NUMB: variants seen among roughly 807,000 people sequenced by gnomAD.
NUMB encodes NUMB endocytic adaptor protein.
In NUMB, 29 loss-of-function variants were observed where a neutral mutation model predicts 59.7. That is an observed-to-expected ratio of 0.49 (90% confidence interval 0.36 to 0.66). NUMB has a LOEUF of 0.66. Among genes scored for constraint, NUMB ranks in the 30% least tolerant of loss-of-function variants. The pLI, the probability that NUMB is intolerant of heterozygous loss-of-function variation, is 0.00. For synonymous variants in NUMB, 288 were observed against 288.2 expected (o/e 1.00, Z 0.01); for missense variants, 723 against 822.0 (o/e 0.88, Z 1.47).
chr14:73,281,963 A>G (rs1229570030), intron 11 of NUMB, among the ~76,000 whole-genome samples: 3 of 152,216 alleles, frequency 2.0e-5, no homozygotes, highest in Non-Finnish European at 2.9e-5. Context: ...AGACAGTGAA[A>G]GACAAACTTT....
chr14:73,282,877 T>C (rs1431044110), intron 10 of NUMB, among the ~76,000 whole-genome samples: 3 of 152,200 alleles, frequency 2.0e-5, no homozygotes, highest in Non-Finnish European at 2.9e-5. Context: ...TTCCAACGTG[T>C]TCTCAAGACT....
intron 6 of NUMB, among the ~76,000 whole-genome samples, chr14:73,304,756 T>C (rs936678635): frequency 6.6e-6 from 1 of 152,142 alleles, no homozygotes; most frequent in Non-Finnish European, 1.5e-5. Flanking sequence ...GTTGGAGGAA[T>C]GAGTTTTGTT....
chr14:73,417,266 TCTGA>T (rs1566788174), intron 1 of NUMB, among the ~76,000 whole-genome samples: 2 of 152,108 alleles, frequency 1.3e-5, no homozygotes, highest in African/African-American at 4.8e-5. Flanking sequence ...AAGGCTTCAC[TCTGA>T]CTTACACACT....
At chr14:73,430,486 T>TA (rs1267584519) in intron 1 of NUMB, among the ~76,000 whole-genome samples, 2 of 151,924 alleles carry the variant, frequency 1.3e-5, no homozygotes, top group Non-Finnish European at 2.9e-5. Context: ...TTTTTTTAAT[T>TA]AGCCGGGTGT....
At chr14:73,429,408 G>T (rs1358268940) in intron 1 of NUMB, among the ~76,000 whole-genome samples, 1 of 151,956 alleles carries the variant, frequency 6.6e-6, no homozygotes, top group East Asian at 1.9e-4. Context: ...CTATAGTTTT[G>T]CCTGTTCCAA....
At position 73,292,885 on chromosome 14, in the gene NUMB, C is replaced by A; in HGVS notation, c.310-11G>T. On this transcript the variant is annotated splice_polypyrimidine_tract_variant and intron_variant, in intron 7 of 12. Coordinates refer to ENST00000555238, the MANE Select transcript of NUMB (RefSeq NM_001005743.2). ...GTCAACTATGAGGTCCTAGAAAATA[C>A]GACACACAAAGAAAGAGAAGACTTA... 6.2e-7 allele frequency: 1 copy of A among 1,613,132 alleles called. No homozygotes were observed. The highest frequency in any genetic ancestry group is 8.5e-7 in the Non-Finnish European group (1 of 1,179,550).
chr14:73,449,353 C>T (rs1328198660), intron 1 of NUMB, among the ~76,000 whole-genome samples: 1 of 152,074 alleles, frequency 6.6e-6, no homozygotes, highest in East Asian at 1.9e-4. Flanking sequence ...ATAACCTGCA[C>T]ACATTCTCCC....
chr14:73,415,503 CT>C (rs1480558050), intron 1 of NUMB, among the ~76,000 whole-genome samples: 1 of 97,020 alleles, frequency 1.0e-5, no homozygotes, highest in African/African-American at 4.3e-5. Flanking sequence ...ACTATTTTTT[CT>C]TTTCTTTTTT....
intron 2 of NUMB, among the ~76,000 whole-genome samples, chr14:73,402,018 A>G (rs1315941682): frequency 1.3e-5 from 2 of 152,064 alleles, no homozygotes; most frequent in East Asian, 3.9e-4. Flanking sequence ...ACGCACCACC[A>G]TGTCCAGCTA....
chr14:73,379,887 T>C (rs1355093366), intron 2 of NUMB, among the ~76,000 whole-genome samples: 1 of 152,236 alleles, frequency 6.6e-6, no homozygotes, highest in African/African-American at 2.4e-5. Flanking sequence ...GTACTTGGGC[T>C]TCTGTTCCTA....
At chr14:73,300,053 A>G (rs1890044345) in intron 6 of NUMB, among the ~76,000 whole-genome samples, 1 of 146,830 alleles carries the variant, frequency 6.8e-6, no homozygotes, top group African/African-American at 2.4e-5. Flanking sequence ...TCATCATTAT[A>G]TTATTAATAA....
chr14:73,335,228 A>G (rs1216329839), intron 4 of NUMB, among the ~76,000 whole-genome samples: 1 of 149,954 alleles, frequency 6.7e-6, no homozygotes, highest in Non-Finnish European at 1.5e-5. Context: ...AAGTATTTCC[A>G]ATGGGCATCA....
intron 5 of NUMB, 69 bp downstream of exon 5, chr14:73,323,061 A>T: frequency 8.1e-7 from 1 of 1,234,166 alleles, no homozygotes; most frequent in Non-Finnish European, 1.2e-6. Flanking sequence ...ACTAAAATGT[A>T]CTGAGCAAAA....
At chr14:73,424,620 G>A (rs1897502134) in intron 1 of NUMB, among the ~76,000 whole-genome samples, 1 of 152,116 alleles carries the variant, frequency 6.6e-6, no homozygotes, top group Admixed American at 6.6e-5. Context: ...AAAGGAAGTG[G>A]CATGTCGTAT....
intron 6 of NUMB, among the ~76,000 whole-genome samples, chr14:73,311,650 C>G (rs148104902): frequency 6.6e-6 from 1 of 152,148 alleles, no homozygotes; most frequent in African/African-American, 2.4e-5. Flanking sequence ...CTTACTTTCA[C>G]GTAAAAGTGT....
At chr14:73,401,188 C>T (rs10137963) in intron 2 of NUMB, among the ~76,000 whole-genome samples, 83 of 152,220 alleles carry the variant, frequency 5.5e-4, no homozygotes, top group African/African-American at 1.9e-3. Context: ...GAAATCCCCA[C>T]GCATTTTGGT....
intron 1 of NUMB, among the ~76,000 whole-genome samples, chr14:73,427,841 C>T (rs1897654955): frequency 6.6e-6 from 1 of 152,182 alleles, no homozygotes; most frequent in Non-Finnish European, 1.5e-5. Context: ...ACCTTTTCTA[C>T]TTTCCCAACA....
At chr14:73,389,522 C>G (rs1895740341) in intron 2 of NUMB, among the ~76,000 whole-genome samples, 1 of 151,910 alleles carries the variant, frequency 6.6e-6, no homozygotes, top group African/African-American at 2.4e-5. Context: ...CAGGGTTTCA[C>G]TGTGTTAGCC....
chr14:73,419,346 T>C (rs1897260862), intron 1 of NUMB, among the ~76,000 whole-genome samples: 1 of 152,014 alleles, frequency 6.6e-6, no homozygotes, highest in South Asian at 2.1e-4. Context: ...CGGTCTCTAC[T>C]AAAAATACAA....
Sources: gnomAD v4.1 joint callset for allele counts (sites outside exome capture counted in the v4.1 genomes callset) on GRCh38, gnomAD v4.1.1 for gene constraint, MANE v1.5 for transcripts, NCBI Gene and HGNC (gene_info 2026-07-23, HGNC 2026-07-21) for gene names.